GUCY2C: variants seen among roughly 807,000 people sequenced by gnomAD.
GUCY2C encodes guanylate cyclase 2C.
A neutral mutation model predicts 131.1 loss-of-function variants in GUCY2C; 118 were observed. The observed-to-expected ratio is 0.90, with a 90% CI of 0.78 to 1.05. The LOEUF (loss-of-function observed/expected upper bound fraction) is 1.05. Ranked by LOEUF, GUCY2C falls within the 50% of genes least tolerant of loss-of-function variation. GUCY2C has a pLI of 0.00. For missense variants in GUCY2C, 1,161 were observed against 1,304.4 expected (o/e 0.89, Z 1.69); for synonymous variants, 452 against 457.8 (o/e 0.99, Z 0.16).
chr12:14,695,214 A>G (rs1184436433), intron 1 of GUCY2C, among the ~76,000 whole-genome samples: 2 of 152,318 alleles, frequency 1.3e-5, no homozygotes, highest in Non-Finnish European at 2.9e-5. Context: ...TAAGAAGCAC[A>G]TGAAAACAGA....
intron 3 of GUCY2C, among the ~76,000 whole-genome samples, chr12:14,685,018 T>C (rs1033744069): frequency 6.6e-6 from 1 of 152,132 alleles, no homozygotes; most frequent in Non-Finnish European, 1.5e-5. Flanking sequence ...GGCATTGATC[T>C]CACTGTGCCT....
At chr12:14,645,137 T>A (rs555852908) in intron 16 of GUCY2C, 92 bp downstream of exon 16, 1 of 711,418 alleles carries the variant, frequency 1.4e-6, no homozygotes, top group African/African-American at 1.8e-5. Flanking sequence ...ATTTTACAGA[T>A]GAAGAAACCA....
At chr12:14,629,323 C>T (rs985986338) in intron 19 of GUCY2C, among the ~76,000 whole-genome samples, 6 of 152,272 alleles carry the variant, frequency 3.9e-5, no homozygotes, top group Non-Finnish European at 7.4e-5. Context: ...TGAAGGAACT[C>T]CCTAAACCTC....
chr12:14,668,839 G>A (rs1326027068), intron 10 of GUCY2C, among the ~76,000 whole-genome samples: 3 of 152,004 alleles, frequency 2.0e-5, no homozygotes, highest in East Asian at 1.9e-4. Context: ...CAGCTTGCAC[G>A]GGTGAAAGCT....
intron 11 of GUCY2C, among the ~76,000 whole-genome samples, chr12:14,657,754 C>G (rs549025173): frequency 6.6e-6 from 1 of 152,008 alleles, no homozygotes; most frequent in Admixed American, 6.6e-5. Flanking sequence ...TCTCAAAACT[C>G]TCCCCACCCC....
chr12:14,617,234 C>T (rs1946785084), intron 24 of GUCY2C, among the ~76,000 whole-genome samples: 1 of 152,158 alleles, frequency 6.6e-6, no homozygotes, highest in Admixed American at 6.5e-5. Context: ...CCAATTAAAC[C>T]TCTTTTCTTA....
Position 14,625,795 on chromosome 12 carries a change from C to A in GUCY2C, c.2370G>T (p.Arg790Ser). 6.2e-7 allele frequency: 1 copy of A among 1,614,028 alleles called. No individual in the cohort carries two copies. The highest frequency in any genetic ancestry group is 8.5e-7 in the Non-Finnish European group (1 of 1,179,934). The change falls in exon 21 of 27, where the codon AGG (arginine) becomes AGT (serine). Residue 790 changes from arginine to serine, a missense_variant. Physicochemically the swap from Arg to Ser is moderately radical, Grantham distance 110. Coordinates refer to ENST00000261170, the MANE Select transcript of GUCY2C (RefSeq NM_004963.4). ...TAAAGTTAAGTCTGTCAGCCCTGTC[C>A]CTCTCTGCCTTGTACAGCTGTGTCC... ...EERTQLYKAE[R>S]DRADRLNFML... is the part of the protein sequence containing the mutation.
At position 14,616,971 on chromosome 12, in the gene GUCY2C, C is replaced by T. The variant is rs186206177; in HGVS notation, c.2876-244G>A. Reference sequence around the variant, plus strand: ...ATCCCCAGTGCTGGAGTCCTGGCCCCCGACCAGGTGTCTGGGTCACAGGGG... The same window carrying T: ...ATCCCCAGTGCTGGAGTCCTGGCCCTCGACCAGGTGTCTGGGTCACAGGGG... On this transcript the variant is annotated intron_variant, in intron 24 of 26. Transcript: ENST00000261170. Among the ~76,000 whole-genome samples, 5,872 of 152,238 alleles carry T rather than the reference C, an allele frequency of 0.039. 376 individuals are homozygous for T. The highest frequency in any genetic ancestry group is 0.13 in the African/African-American group (5,506 of 41,520).
At chr12:14,693,448 A>G (rs1948608212) in intron 1 of GUCY2C, among the ~76,000 whole-genome samples, 1 of 152,072 alleles carries the variant, frequency 6.6e-6, no homozygotes, top group Non-Finnish European at 1.5e-5. Context: ...GTTCTTCAAG[A>G]CCCTCAAAGC....
At chr12:14,653,769 T>C (rs942166926) in intron 12 of GUCY2C, among the ~76,000 whole-genome samples, 2 of 152,228 alleles carry the variant, frequency 1.3e-5, no homozygotes, top group African/African-American at 4.8e-5. Context: ...CAAGGCCATT[T>C]TGAAATGCGA....
chr12:14,621,739 A>G (rs1946900915), intron 22 of GUCY2C, among the ~76,000 whole-genome samples: 1 of 152,176 alleles, frequency 6.6e-6, no homozygotes, highest in South Asian at 2.1e-4. Flanking sequence ...AGAGTATGCC[A>G]TTTTGTCTAA....
chr12:14,684,000 A>T (rs1217049773), intron 3 of GUCY2C, among the ~76,000 whole-genome samples: 1 of 151,928 alleles, frequency 6.6e-6, no homozygotes, highest in Non-Finnish European at 1.5e-5. Context: ...CTCCCTTTCT[A>T]TGTCCACTTC....
At chr12:14,615,641 A>G (rs1946746576) in intron 25 of GUCY2C, among the ~76,000 whole-genome samples, 1 of 149,504 alleles carries the variant, frequency 6.7e-6, no homozygotes, top group Non-Finnish European at 1.5e-5. Context: ...TGATATATAT[A>G]TATATATAAT....
Position 14,622,064 on chromosome 12 carries a change from T to C in GUCY2C, c.2542A>G (p.Met848Val). The change falls in exon 22 of 27, where the codon ATG (methionine) becomes GTG (valine). Residue 848 changes from methionine (M) to valine (V), a missense_variant. By Grantham distance (21) the Met-to-Val change is conservative. Transcript: ENST00000261170. ...KYSTPMEVVD[M>V]LNDIYKSFDH... is the part of the protein sequence containing the mutation. ...AAACTCTTATAGATGTCATTAAGCA[T>C]GTCCACCACTTCCATGGGGGTGCTG... The C allele has an allele frequency of 6.2e-7, 1 of 1,610,832 alleles. No homozygotes were observed. Among genetic ancestry groups the C allele is most frequent in the South Asian group, 1.1e-5 (1 of 90,422 alleles).
chr12:14,648,609 C>T (rs905540450), intron 15 of GUCY2C, among the ~76,000 whole-genome samples: 2 of 152,166 alleles, frequency 1.3e-5, no homozygotes, highest in African/African-American at 4.8e-5. Flanking sequence ...CCCTTAAAAT[C>T]CTTTGTCTTC....
At chr12:14,645,122 T>C (rs1006125355) in intron 16 of GUCY2C, 107 bp downstream of exon 16, 1 of 658,992 alleles carries the variant, frequency 1.5e-6, no homozygotes, top group Admixed American at 2.7e-5. Context: ...ATAGCTATTA[T>C]TATCATTTTA....
At chr12:14,678,730 T>C (rs1489294026) in intron 6 of GUCY2C, among the ~76,000 whole-genome samples, 3 of 152,108 alleles carry the variant, frequency 2.0e-5, no homozygotes, top group Admixed American at 2.0e-4. Context: ...AGACAGGTAA[T>C]GATTAATGGC....
chr12:14,695,531 G>A (rs1453512508), intron 1 of GUCY2C, among the ~76,000 whole-genome samples: 1 of 148,084 alleles, frequency 6.8e-6, no homozygotes, highest in Non-Finnish European at 1.5e-5. Flanking sequence ...AACCTGGGAG[G>A]CAGAGCTTGC....
At chr12:14,666,658 C>A (rs1947986710) in intron 10 of GUCY2C, among the ~76,000 whole-genome samples, 1 of 151,160 alleles carries the variant, frequency 6.6e-6, no homozygotes, top group Non-Finnish European at 1.5e-5. Flanking sequence ...TCGCTTGAAT[C>A]CGGGAGGCAG....
Sources: allele counts gnomAD v4.1 joint callset (sites outside exome capture counted in the v4.1 genomes callset), GRCh38; gene constraint gnomAD v4.1.1; transcripts MANE v1.5; gene names NCBI Gene and HGNC (gene_info 2026-07-23, HGNC 2026-07-21).